PCM1: variants seen among roughly 807,000 people sequenced by gnomAD.
PCM1 encodes the protein pericentriolar material 1 protein.
In PCM1, 157 loss-of-function variants were observed where a neutral mutation model predicts 241.9. The observed-to-expected ratio is 0.65, with a 90% confidence interval of 0.57 to 0.74. PCM1 has a LOEUF of 0.74. Among genes scored for constraint, PCM1 ranks in the 30% least tolerant of loss-of-function variants. The probability of loss-of-function intolerance (pLI) is 0.00; values close to 1 mark genes in which losing one functional copy is unlikely to be tolerated. For missense variants in PCM1, 3,478 were observed against 2,360.1 expected, an observed-to-expected ratio of 1.47 and a Z score of -9.81; for synonymous variants, 1,085 against 784.9, an observed-to-expected ratio of 1.38 and a Z score of -6.39.
At chr8:17,984,767 AT>A (rs1165114346) in intron 24 of PCM1, among the ~76,000 whole-genome samples, 5 of 152,002 alleles carry the variant, frequency 3.3e-5, no homozygotes, top group Admixed American at 1.3e-4. Context: ...ATTTAGCCGA[AT>A]TGTAGCTAAA....
chr8:18,008,884 C>G (rs145574487), intron 30 of PCM1, among the ~76,000 whole-genome samples: 1 of 152,156 alleles, frequency 6.6e-6, no homozygotes, highest in African/African-American at 2.4e-5. Flanking sequence ...AAATCACCAA[C>G]GTTCAAGTTG....
intron 23 of PCM1, among the ~76,000 whole-genome samples, chr8:17,976,239 A>G (rs149468745): frequency 2.3e-3 from 348 of 152,318 alleles, no homozygotes; most frequent in African/African-American, 7.7e-3. Context: ...AAAGTAGTCC[A>G]AGGTGCCATT....
At chr8:17,969,204 G>A (rs757077127) in intron 21 of PCM1, among the ~76,000 whole-genome samples, 15 of 152,018 alleles carry the variant, frequency 9.9e-5, no homozygotes, top group East Asian at 1.9e-4. Context: ...ATTTCTAACC[G>A]TATTTGCTCA....
intron 8 of PCM1, among the ~76,000 whole-genome samples, chr8:17,951,148 T>C (rs1399374469): frequency 6.6e-6 from 1 of 152,264 alleles, no homozygotes; most frequent in African/African-American, 2.4e-5. Flanking sequence ...AGGAATATTT[T>C]ACTAACAATT....
intron 36 of PCM1, among the ~76,000 whole-genome samples, chr8:18,015,159 G>C (rs2093005231): frequency 6.6e-6 from 1 of 151,198 alleles, no homozygotes; most frequent in Non-Finnish European, 1.5e-5. Context: ...CAACTGTTTA[G>C]AATATATTGC....
At position 17,950,610 on chromosome 8, in the gene PCM1, T is replaced by G; in HGVS notation, c.962-5T>G. Reference sequence around the variant, plus strand: ...ATTAATCAGTAGTTACTAATTTCTTTCCAGTTGTTGCAGAAACTGCAGGTA... The same window carrying G: ...ATTAATCAGTAGTTACTAATTTCTTGCCAGTTGTTGCAGAAACTGCAGGTA... On this transcript the variant is annotated splice_region_variant and splice_polypyrimidine_tract_variant and intron_variant, in intron 7 of 38. Transcript: ENST00000325083. 6.7e-7 allele frequency: 1 copy of G among 1,499,748 alleles called. No individual in the cohort carries two copies. Among genetic ancestry groups the G allele is most frequent in the Non-Finnish European group, 9.2e-7 (1 of 1,082,990 alleles). The allele number at this position is 1,499,748 out of a possible 1,614,324, so 92.9% of individuals were successfully genotyped here. A position where few individuals can be genotyped will look rare whatever the true frequency, so the allele number is the denominator to read the frequency against.
intron 8 of PCM1, among the ~76,000 whole-genome samples, chr8:17,951,802 T>C (rs17126009): frequency 0.014 from 2,121 of 152,330 alleles, 43 homozygotes; most frequent in African/African-American, 0.046. Flanking sequence ...TGTAATGTTA[T>C]ATTTTTCTTA....
intron 18 of PCM1, among the ~76,000 whole-genome samples, chr8:17,965,377 GAT>G (rs1563993218): frequency 1.3e-5 from 2 of 152,182 alleles, no homozygotes; most frequent in Non-Finnish European, 2.9e-5. Flanking sequence ...GCTTGTTACG[GAT>G]AACAAAAGAC....
rs922787775 is a variant in PCM1, at chr8:17,964,851, C to G, written c.2855+83C>G. 7 of 972,660 alleles carry G rather than the reference C, an allele frequency of 7.2e-6. No homozygotes were observed. In the African/African-American group the frequency reaches 1.1e-4, roughly 16 times the overall value. The allele number at this position is 972,660 out of a possible 1,614,324, so 60.3% of individuals were successfully genotyped here. On this transcript the variant is annotated intron_variant, in intron 18 of 38. Coordinates refer to ENST00000325083, the MANE Select transcript of PCM1 (RefSeq NM_006197.4). ...GACAGCAAGCACTTCTGCAGTTCTC[C>G]AAGCCAACTGAATGTCCTACAACTC...
chr8:17,961,597 CA>C (rs1370074312), intron 15 of PCM1, among the ~76,000 whole-genome samples: 2 of 152,108 alleles, frequency 1.3e-5, no homozygotes, highest in Non-Finnish European at 2.9e-5. Context: ...AGGCGTGAGC[CA>C]CCGCTCCCGG....
chr8:17,951,071 T>G (rs147687839), intron 8 of PCM1, among the ~76,000 whole-genome samples: 47 of 152,348 alleles, frequency 3.1e-4, no homozygotes, highest in Admixed American at 1.2e-3. Flanking sequence ...GATTAAGACT[T>G]TGCTTTAAAT....
intron 29 of PCM1, among the ~76,000 whole-genome samples, chr8:18,001,995 C>CTTTTTTTTT (rs1166401113): frequency 5.6e-4 from 13 of 23,404 alleles, no homozygotes; most frequent in Non-Finnish European, 7.2e-4. Flanking sequence ...TCTAACCTTT[C>CTTTTTTTTT]TTTTTTTTTT....
At chr8:17,932,596 A>G (rs2059361439) in intron 2 of PCM1, among the ~76,000 whole-genome samples, 1 of 152,064 alleles carries the variant, frequency 6.6e-6, no homozygotes, top group Non-Finnish European at 1.5e-5. Context: ...CTGTATAACA[A>G]AGGTATTAAC....
chr8:17,939,147 C>T, intron 5 of PCM1, 138 bp downstream of exon 5: 1 of 725,192 alleles, frequency 1.4e-6, no homozygotes, highest in South Asian at 2.1e-5. Flanking sequence ...CTTTGTTAAT[C>T]TGCCAGATTT....
At chr8:17,943,547 T>A (rs1378567366) in intron 6 of PCM1, among the ~76,000 whole-genome samples, 1 of 152,194 alleles carries the variant, frequency 6.6e-6, no homozygotes. Flanking sequence ...GCATTACATA[T>A]AATTTAAAAA....
chr8:18,027,700 A>G lies in PCM1; in HGVS notation c.*38A>G, dbSNP rs1469594826. The G allele has an allele frequency of 6.9e-7, 1 of 1,458,064 alleles. No individual in the cohort carries two copies. The highest frequency in any genetic ancestry group is 9.5e-7 in the Non-Finnish European group (1 of 1,048,830). The allele number at this position is 1,458,064 out of a possible 1,614,324, so 90.3% of individuals were successfully genotyped here. A position where few individuals can be genotyped will look rare whatever the true frequency, so the allele number is the denominator to read the frequency against. ...GGCTCATCTAACTCTGTCCTTACAT[A>G]CTCAATGCATATATGAAAACAATAC... On this transcript the variant is annotated 3_prime_UTR_variant, in exon 39 of 39. Coordinates refer to ENST00000325083, the MANE Select transcript of PCM1 (RefSeq NM_006197.4).
At chr8:17,936,707 C>T (rs1014918395) in intron 3 of PCM1, among the ~76,000 whole-genome samples, 1 of 152,022 alleles carries the variant, frequency 6.6e-6, no homozygotes, top group African/African-American at 2.4e-5. Context: ...TTTCAGAAAA[C>T]AGTAATTAGG....
At chr8:18,017,265 G>C (rs957921268) in intron 36 of PCM1, among the ~76,000 whole-genome samples, 7 of 152,114 alleles carry the variant, frequency 4.6e-5, no homozygotes, top group Non-Finnish European at 1.0e-4. Flanking sequence ...TAAACATTCT[G>C]GTCTTAAAAT....
chr8:17,982,893 T>TA (rs1318838758), intron 24 of PCM1, among the ~76,000 whole-genome samples: 2 of 152,206 alleles, frequency 1.3e-5, no homozygotes, highest in African/African-American at 4.8e-5. Flanking sequence ...ATATGATTAT[T>TA]AGAGTATAGC....
Sources: allele counts gnomAD v4.1 joint callset (sites outside exome capture counted in the v4.1 genomes callset), GRCh38; gene constraint gnomAD v4.1.1; transcripts MANE v1.5; gene names NCBI Gene and HGNC (gene_info 2026-07-23, HGNC 2026-07-21).